Variants in CELF4 observed in about 807,000 individuals in gnomAD.
CELF4 encodes the protein CUG-BP- and ETR-3-like factor 4.
CELF4 carries 18 observed loss-of-function variants against 59.9 expected under a neutral mutation model. The ratio of observed to expected loss-of-function variants is 0.30; its 90% confidence interval spans 0.21 to 0.45. The LOEUF (loss-of-function observed/expected upper bound fraction) is 0.45. CELF4 is among the 20% of genes least tolerant of loss of function. The pLI is 1.00. For missense variants in CELF4, 456 were observed against 689.0 expected (o/e 0.66, Z 3.79); for synonymous variants, 261 against 267.1 (o/e 0.98, Z 0.22).
chr18:37,430,790 T>C (rs1043930257), intron 2 of CELF4, among the ~76,000 whole-genome samples: 11 of 152,246 alleles, frequency 7.2e-5, no homozygotes, highest in Non-Finnish European at 7.3e-5. Context: ...CTCCCAGGGC[T>C]GAGCAAAGTG....
rs113937585 is a variant in CELF4, at chr18:37,283,424, C to T, written c.449-8181G>A. On this transcript the variant is annotated intron_variant, in intron 3 of 12. Coordinates refer to ENST00000420428, the MANE Select transcript of CELF4 (RefSeq NM_020180.4). ...TGGTAATATCATGTAAGGGGCTACA[C>T]AGGCACACACACTCCATGCCCTCTG... 7.2e-5 allele frequency among the ~76,000 whole-genome samples: 11 copies of T among 152,276 alleles called. 1 individual carries two copies. Among genetic ancestry groups the T allele is most frequent in the African/African-American group, 2.6e-4 (11 of 41,552 alleles).
chr18:37,260,570 A>T (rs2073670103), intron 10 of CELF4, among the ~76,000 whole-genome samples: 1 of 152,196 alleles, frequency 6.6e-6, no homozygotes, highest in South Asian at 2.1e-4. Flanking sequence ...GGGCCGCTGC[A>T]TGGCTTTCAC....
chr18:37,348,131 C>T (rs2098331780), intron 2 of CELF4, among the ~76,000 whole-genome samples: 1 of 152,156 alleles, frequency 6.6e-6, no homozygotes, highest in Admixed American at 6.5e-5. Flanking sequence ...TCTACCTCTG[C>T]ATTTTGCTCT....
intron 3 of CELF4, chr18:37,275,587 G>T: frequency 3.4e-6 from 1 of 291,084 alleles, no homozygotes; most frequent in Non-Finnish European, 6.6e-6. Flanking sequence ...CCCCTCACTA[G>T]AGCACACGGG....
intron 1 of CELF4, among the ~76,000 whole-genome samples, chr18:37,554,175 C>A (rs187490535): frequency 2.6e-5 from 4 of 152,278 alleles, no homozygotes; most frequent in African/African-American, 9.6e-5. Context: ...GGATGGGAGC[C>A]AGTCCGGGGG....
intron 3 of CELF4, among the ~76,000 whole-genome samples, chr18:37,302,471 C>T (rs1262949106): frequency 2.0e-5 from 3 of 152,194 alleles, no homozygotes; most frequent in African/African-American, 7.2e-5. Context: ...CTGGGAGCCC[C>T]TTCTGATGAG....
chr18:37,515,332 G>T (rs779072029), intron 1 of CELF4, among the ~76,000 whole-genome samples: 2 of 152,114 alleles, frequency 1.3e-5, no homozygotes, highest in Non-Finnish European at 2.9e-5. Flanking sequence ...CTCCCCTCCT[G>T]GCTGCTCTGC....
In CELF4 at chr18:37,423,085, GAC is replaced by G. The variant is rs1569569355; in HGVS notation, c.369+62438_369+62439del. Among the ~76,000 whole-genome samples the G allele has an allele frequency of 6.4e-3, 385 of 59,826 alleles. 1 individual carries two copies. The highest frequency in any genetic ancestry group is 0.014 in the African/African-American group (353 of 24,862). 39.2% of individuals were successfully genotyped at this position (59,826 alleles called of 152,430 possible). On this transcript the variant is annotated intron_variant, in intron 2 of 12. Transcript: ENST00000420428. ...GCGCGCACACACACACACACACAGA[GAC>G]AGAGAGAGAGAGAGAGACAGACAGA...
Position 37,254,325 on chromosome 18 carries a change from T to G in CELF4, c.1334-387A>C, listed in dbSNP as rs1428449195. On this transcript the variant is annotated intron_variant, in intron 11 of 12. Transcript: ENST00000420428. The surrounding 1 kb of genome is among the most constrained non-coding windows in gnomAD (Gnocchi z 5.1). ...CACACCTGCGGGTGGAGGAGTTTAT[T>G]GGACACTGTCCTCCCTGACAGGAGG... 6.6e-6 allele frequency among the ~76,000 whole-genome samples: 1 copy of G among 151,678 alleles called. No individual in the cohort carries two copies. Among genetic ancestry groups the G allele is most frequent in the East Asian group, 2.0e-4 (1 of 5,102 alleles).
intron 3 of CELF4, among the ~76,000 whole-genome samples, chr18:37,320,380 T>C (rs1265678840): frequency 1.3e-5 from 2 of 150,756 alleles, no homozygotes; most frequent in South Asian, 2.1e-4. Flanking sequence ...TACGCTCCCC[T>C]TGGTGGCCTC....
At chr18:37,291,913 C>T (rs919061549) in intron 3 of CELF4, among the ~76,000 whole-genome samples, 1 of 152,116 alleles carries the variant, frequency 6.6e-6, no homozygotes, top group African/African-American at 2.4e-5. Flanking sequence ...GATGTGTGTG[C>T]CCTCCCAAAA....
chr18:37,400,170 G>A (rs1462739590), intron 2 of CELF4, among the ~76,000 whole-genome samples: 1 of 152,132 alleles, frequency 6.6e-6, no homozygotes, highest in African/African-American at 2.4e-5. Context: ...GTTTCTTTGA[G>A]GAAGAAGAAA....
At chr18:37,425,602 C>A (rs1409571445) in intron 2 of CELF4, among the ~76,000 whole-genome samples, 1 of 152,214 alleles carries the variant, frequency 6.6e-6, no homozygotes, top group South Asian at 2.1e-4. Context: ...TTAAGTCATT[C>A]GTAATTACCT....
intron 2 of CELF4, among the ~76,000 whole-genome samples, chr18:37,330,504 G>A (rs1023051301): frequency 2.6e-5 from 4 of 152,218 alleles, no homozygotes; most frequent in African/African-American, 9.7e-5. Flanking sequence ...AGAGATTCAA[G>A]AAATCTCATC....
intron 2 of CELF4, among the ~76,000 whole-genome samples, chr18:37,473,051 G>A (rs2099838380): frequency 6.6e-6 from 1 of 152,112 alleles, no homozygotes; most frequent in Admixed American, 6.5e-5. Context: ...CTACCTTGTG[G>A]GACAGCCCAG....
At chr18:37,425,495 C>T (rs2099606270) in intron 2 of CELF4, among the ~76,000 whole-genome samples, 1 of 152,238 alleles carries the variant, frequency 6.6e-6, no homozygotes, top group Non-Finnish European at 1.5e-5. Flanking sequence ...TTTATTAATG[C>T]ATGCCAGAAT....
intron 2 of CELF4, among the ~76,000 whole-genome samples, chr18:37,391,939 A>C (rs944662459): frequency 6.6e-6 from 1 of 152,178 alleles, no homozygotes; most frequent in African/African-American, 2.4e-5. Flanking sequence ...CCCACCCTGA[A>C]AGCCTGGATC....
intron 2 of CELF4, among the ~76,000 whole-genome samples, chr18:37,352,939 T>G (rs11873993): frequency 6.6e-6 from 1 of 151,964 alleles, no homozygotes; most frequent in Non-Finnish European, 1.5e-5. Flanking sequence ...AACCCTTTCT[T>G]GGCCGGGCGC....
At chr18:37,470,552 C>T (rs1159454021) in intron 2 of CELF4, among the ~76,000 whole-genome samples, 1 of 152,138 alleles carries the variant, frequency 6.6e-6, no homozygotes, top group Non-Finnish European at 1.5e-5. Context: ...AATGTGGCAT[C>T]CCAGCAGCGC....
Sources: allele counts gnomAD v4.1 joint callset (sites outside exome capture counted in the v4.1 genomes callset), GRCh38; gene constraint gnomAD v4.1.1; non-coding constraint Gnocchi (gnomAD v3.1); transcripts MANE v1.5; gene names NCBI Gene and HGNC (gene_info 2026-07-23, HGNC 2026-07-21).